EIF4G3: variants seen among roughly 807,000 people sequenced by gnomAD.
EIF4G3 encodes eIF-4-gamma 3.
EIF4G3 carries 34 observed loss-of-function variants against 186.4 expected under a neutral mutation model. The ratio of observed to expected loss-of-function variants is 0.18; its 90% CI spans 0.14 to 0.24. EIF4G3 has a LOEUF of 0.24. EIF4G3 is among the 10% of genes least tolerant of loss of function. The probability of loss-of-function intolerance (pLI) is 1.00; values close to 1 mark genes in which losing one functional copy is unlikely to be tolerated. For synonymous variants in EIF4G3, 673 were observed against 679.5 expected (o/e 0.99, Z 0.15); for missense variants, 1,536 against 1,948.5 (o/e 0.79, Z 3.99).
At chr1:20,907,932 TG>T (rs1371156539) in intron 14 of EIF4G3, among the ~76,000 whole-genome samples, 1 of 152,070 alleles carries the variant, frequency 6.6e-6, no homozygotes, top group Non-Finnish European at 1.5e-5. Flanking sequence ...CTGGGTCAAA[TG>T]GTATTTCCAG....
At chr1:20,988,069 C>T (rs1216970860) in intron 7 of EIF4G3, among the ~76,000 whole-genome samples, 1 of 152,172 alleles carries the variant, frequency 6.6e-6, no homozygotes, top group African/African-American at 2.4e-5. Flanking sequence ...AAAATGTAAT[C>T]CAAAGCAAAG....
At chr1:20,828,643 C>A (rs1284793903) in intron 31 of EIF4G3, among the ~76,000 whole-genome samples, 1 of 152,250 alleles carries the variant, frequency 6.6e-6, no homozygotes, top group East Asian at 1.9e-4. Flanking sequence ...TTTCGAAGAA[C>A]AGAGTTTGGG....
At chr1:20,920,332 T>C (rs529296857) in intron 14 of EIF4G3, among the ~76,000 whole-genome samples, 1 of 152,214 alleles carries the variant, frequency 6.6e-6, no homozygotes, top group Non-Finnish European at 1.5e-5. Flanking sequence ...CAAACTTTGA[T>C]TTAATATATT....
At chr1:21,133,156 A>T (rs2097184187) in intron 2 of EIF4G3, among the ~76,000 whole-genome samples, 1 of 152,198 alleles carries the variant, frequency 6.6e-6, no homozygotes, top group Non-Finnish European at 1.5e-5. Flanking sequence ...AAAAATGACA[A>T]TGTAGCAGAT....
Position 21,103,520 on chromosome 1 carries a change from G to T in EIF4G3, c.-271-14307C>A, listed in dbSNP as rs115651430. Among the ~76,000 whole-genome samples the T allele has an allele frequency of 6.2e-3, 940 of 152,214 alleles. 7 individuals carry two copies. Among genetic ancestry groups the T allele is most frequent in the Non-Finnish European group, 0.01 (700 of 68,008 alleles). ...ACTATGAGGATAAACTTACAGCAGT[G>T]GAAGAATGAAAGAGGAAAAATTAAT... On this transcript the variant is annotated intron_variant, in intron 2 of 36. Coordinates refer to ENST00000602326, the MANE Select transcript of EIF4G3 (RefSeq NM_001391906.1).
chr1:21,031,745 T>C (rs1028860281), intron 4 of EIF4G3, among the ~76,000 whole-genome samples: 4 of 152,214 alleles, frequency 2.6e-5, no homozygotes, highest in Non-Finnish European at 5.9e-5. Flanking sequence ...AACTAATAAA[T>C]AGCAGAAGCA....
At chr1:20,912,943 C>T (rs2093419995) in intron 14 of EIF4G3, among the ~76,000 whole-genome samples, 1 of 151,996 alleles carries the variant, frequency 6.6e-6, no homozygotes. Flanking sequence ...AGAAGAAACC[C>T]AGGTGAGAGG....
intron 13 of EIF4G3, among the ~76,000 whole-genome samples, chr1:20,947,473 T>C (rs2096011753): frequency 6.7e-6 from 1 of 148,730 alleles, no homozygotes; most frequent in Non-Finnish European, 1.5e-5. Context: ...AAAACAGTAA[T>C]ATTTTAGCTA....
chr1:20,815,560 AGAAGTGGGGAGC>A (rs2060415442), intron 34 of EIF4G3, among the ~76,000 whole-genome samples: 1 of 150,740 alleles, frequency 6.6e-6, no homozygotes, highest in Non-Finnish European at 1.5e-5. Context: ...GCCCCGTCTG[AGAAGTGGGGAGC>A]CCCTCCGTCC....
At chr1:20,905,879 A>G (rs1274294539) in intron 14 of EIF4G3, among the ~76,000 whole-genome samples, 2 of 152,212 alleles carry the variant, frequency 1.3e-5, no homozygotes, top group East Asian at 3.9e-4. Flanking sequence ...GCTAAAGGGT[A>G]TCATCTAATC....
At chr1:21,169,240 CAA>C (rs1573733054) in intron 2 of EIF4G3, among the ~76,000 whole-genome samples, 2 of 152,058 alleles carry the variant, frequency 1.3e-5, no homozygotes, top group South Asian at 4.1e-4. Flanking sequence ...CACCTGAAGT[CAA>C]GAGTTCGAGA....
At chr1:21,028,132 G>A (rs72654815) in intron 4 of EIF4G3, among the ~76,000 whole-genome samples, 2,754 of 152,280 alleles carry the variant, frequency 0.018, 38 homozygotes, top group Non-Finnish European at 0.028. Flanking sequence ...TGCAAAGGGA[G>A]GGGTCAAAGG....
chr1:21,128,550 CTT>C (rs886907434), intron 2 of EIF4G3, among the ~76,000 whole-genome samples: 2 of 152,140 alleles, frequency 1.3e-5, no homozygotes, highest in African/African-American at 4.8e-5. Flanking sequence ...AATTATATAA[CTT>C]TGCTTTGGTC....
chr1:21,107,113 A>T (rs1455486519), intron 2 of EIF4G3, among the ~76,000 whole-genome samples: 2 of 152,192 alleles, frequency 1.3e-5, no homozygotes, highest in Non-Finnish European at 2.9e-5. Flanking sequence ...ACTGTCTGGC[A>T]GATAGGAAAG....
intron 2 of EIF4G3, among the ~76,000 whole-genome samples, chr1:21,117,736 T>TAAAAAAAAAAAAAAACAAAAAAAAAAA (rs2096850658): frequency 1.4e-5 from 1 of 73,088 alleles, no homozygotes; most frequent in Non-Finnish European, 2.6e-5. Context: ...CAGTATATAG[T>TAAAAAAAAAAAAAAACAAAAAAAAAAA]AAAAAAAAAA....
Position 20,807,459 on chromosome 1 carries a change from C to A in EIF4G3, c.4786G>T (p.Val1596Leu). Residue 1596 changes from valine (V) to leucine (L), a missense_variant, in exon 37 of 37, where the codon GTG becomes TTG. Val to Leu is a conservative substitution (Grantham distance 32). Coordinates refer to ENST00000602326, the MANE Select transcript of EIF4G3 (RefSeq NM_001391906.1). ...TTGTAGAAGGCATCCTCGGAGATCA[C>A]CTCCTCGTCATATAGACAATCAAAA... is the stretch of plus-strand genomic sequence containing the variant. ...MFFDCLYDEE[V>L]ISEDAFYKWE... 1 of 1,610,080 alleles carries A rather than the reference C, an allele frequency of 6.2e-7. No homozygotes were observed. Among genetic ancestry groups the A allele is most frequent in the Non-Finnish European group, 8.5e-7 (1 of 1,177,242 alleles).
intron 2 of EIF4G3, among the ~76,000 whole-genome samples, chr1:21,105,986 G>A (rs2096610583): frequency 1.3e-5 from 2 of 152,116 alleles, no homozygotes; most frequent in Admixed American, 1.3e-4. Context: ...AGGGTCGCCT[G>A]AGCCAAGGAG....
In EIF4G3 at chr1:21,144,125, T is replaced by G. The variant is rs183127198; in HGVS notation, c.-272+32050A>C. Among the ~76,000 whole-genome samples, 170 of 152,302 alleles carry G rather than the reference T, an allele frequency of 1.1e-3. 1 individual carries two copies. Among genetic ancestry groups the G allele is most frequent in the African/African-American group, 3.9e-3 (164 of 41,576 alleles). On this transcript the variant is annotated intron_variant, in intron 2 of 36. Coordinates refer to ENST00000602326, the MANE Select transcript of EIF4G3 (RefSeq NM_001391906.1). Reference sequence around the variant, plus strand: ...TATTTTTTTGGTGCAAGCAATGTCATGTTTTAAGAGAGCTCTGATAGTCCA... The same window carrying G: ...TATTTTTTTGGTGCAAGCAATGTCAGGTTTTAAGAGAGCTCTGATAGTCCA...
At chr1:21,151,273 T>G (rs1338246982) in intron 2 of EIF4G3, among the ~76,000 whole-genome samples, 7 of 128,598 alleles carry the variant, frequency 5.4e-5, no homozygotes, top group Non-Finnish European at 1.1e-4. Context: ...GAGTCTCGCT[T>G]TGTCACCCAG....
Sources: allele counts gnomAD v4.1 joint callset (sites outside exome capture counted in the v4.1 genomes callset), GRCh38; gene constraint gnomAD v4.1.1; transcripts MANE v1.5; gene names NCBI Gene and HGNC (gene_info 2026-07-23, HGNC 2026-07-21).